The following WASF3 variants were observed in gnomAD, a reference collection of about 807,000 sequenced individuals.
WASF3 encodes WASP family member 3.
Under a neutral mutation model 46.6 loss-of-function variants are expected in WASF3, and 11 were observed. That is an observed-to-expected ratio of 0.24 (90% CI 0.15 to 0.39). The LOEUF (loss-of-function observed/expected upper bound fraction) is 0.39, where lower values mean the gene tolerates loss of function less well. Ranked by LOEUF, WASF3 falls within the 10% of genes least tolerant of loss-of-function variation. The pLI, the probability that WASF3 is intolerant of heterozygous loss-of-function variation, is 1.00. For synonymous variants in WASF3, 242 were observed against 259.7 expected (o/e 0.93, Z 0.65); for missense variants, 576 against 669.8 (o/e 0.86, Z 1.55).
Position 26,682,140 on chromosome 13 carries a change from C to T in WASF3, c.984-467C>T, listed in dbSNP as rs1373977530. On this transcript the variant is annotated intron_variant, in intron 8 of 9. Coordinates refer to ENST00000335327, the MANE Select transcript of WASF3 (RefSeq NM_006646.6). The surrounding 1 kb of genome is among the most constrained non-coding windows in gnomAD (Gnocchi z 4.4). The stretch of plus-strand genomic sequence containing the variant: ...TTCAGCAGATTTCTTGGCTGTGTGA[C>T]TTTTCGAAGCTTTTGATACACACCT... Among the ~76,000 whole-genome samples, 1 of 152,198 alleles carries T rather than the reference C, an allele frequency of 6.6e-6. No homozygotes were observed. The highest frequency in any genetic ancestry group is 6.5e-5 in the Admixed American group (1 of 15,286).
chr13:26,653,630 G>A (rs1251172418), intron 3 of WASF3, among the ~76,000 whole-genome samples: 1 of 152,142 alleles, frequency 6.6e-6, no homozygotes, highest in East Asian at 1.9e-4. Context: ...TCACTCTGGT[G>A]TTTTTCCTAC....
chr13:26,624,612 C>T (rs1881409356), intron 2 of WASF3, among the ~76,000 whole-genome samples: 1 of 151,650 alleles, frequency 6.6e-6, no homozygotes, highest in Admixed American at 6.6e-5. Context: ...CAAACAGATC[C>T]AAGAATCTCA....
At chr13:26,599,714 A>G (rs528833335) in intron 1 of WASF3, among the ~76,000 whole-genome samples, 1 of 152,302 alleles carries the variant, frequency 6.6e-6, no homozygotes, top group South Asian at 2.1e-4. Context: ...AGATGAAAAC[A>G]GCTGTGGATT....
At chr13:26,678,110 A>G (rs1883119052) in intron 7 of WASF3, among the ~76,000 whole-genome samples, 2 of 134,652 alleles carry the variant, frequency 1.5e-5, no homozygotes, top group African/African-American at 2.4e-5. Flanking sequence ...TTTTCAAAAA[A>G]TAAGTCTGAT....
At chr13:26,674,506 CT>C (rs1883007311) in intron 6 of WASF3, among the ~76,000 whole-genome samples, 1 of 152,152 alleles carries the variant, frequency 6.6e-6, no homozygotes, top group Non-Finnish European at 1.5e-5. Context: ...CGGTTAACAG[CT>C]TGGTGTGCAT....
intron 3 of WASF3, among the ~76,000 whole-genome samples, chr13:26,664,558 TAGA>T (rs1366563928): frequency 2.2e-4 from 34 of 152,334 alleles, no homozygotes; most frequent in Middle Eastern, 3.4e-3. Flanking sequence ...CAATATTAAT[TAGA>T]AGAATTTAAT....
intron 1 of WASF3, among the ~76,000 whole-genome samples, chr13:26,605,139 A>G (rs1321950166): frequency 6.6e-6 from 1 of 152,038 alleles, no homozygotes; most frequent in African/African-American, 2.4e-5. Context: ...TCTGCCTTTG[A>G]GTATTGCTAA....
intron 2 of WASF3, among the ~76,000 whole-genome samples, chr13:26,620,022 AG>A (rs1881258812): frequency 6.6e-6 from 1 of 152,202 alleles, no homozygotes; most frequent in African/African-American, 2.4e-5. Context: ...TGTGGTGGGC[AG>A]AGCACCAGTG....
At chr13:26,566,917 T>C (rs1461065848) in intron 1 of WASF3, among the ~76,000 whole-genome samples, 1 of 152,222 alleles carries the variant, frequency 6.6e-6, no homozygotes, top group Non-Finnish European at 1.5e-5. Flanking sequence ...CATCCTCAGC[T>C]CTATGCTGTC....
At chr13:26,546,375 G>T in the WASF3 span, among the ~76,000 whole-genome samples, 2 of 152,122 alleles carry the variant, frequency 1.3e-5, no homozygotes, top group Non-Finnish European at 2.9e-5. Flanking sequence ...TATTGCTTTT[G>T]CAATAATGAG....
At position 26,559,820 on chromosome 13, in the gene WASF3, T is replaced by TCTTTCTTTCTTTCTTTCTTTCTTTCTTTC. The variant is rs748976709; in HGVS notation, c.-109+2001_-109+2002insCTTTCTTTCTTTCTTTCTTTCTTTCTTTC. Among the ~76,000 whole-genome samples the TCTTTCTTTCTTTCTTTCTTTCTTTCTTTC allele has an allele frequency of 4.7e-4, 32 of 67,594 alleles. 2 individuals are homozygous for TCTTTCTTTCTTTCTTTCTTTCTTTCTTTC. Among genetic ancestry groups the TCTTTCTTTCTTTCTTTCTTTCTTTCTTTC allele is most frequent in the Admixed American group, 1.2e-3 (9 of 7,400 alleles). 44.3% of individuals were successfully genotyped at this position (67,594 alleles called of 152,430 possible). A position where few individuals can be genotyped will look rare whatever the true frequency, so the allele number is the denominator to read the frequency against. On this transcript the variant is annotated intron_variant, in intron 1 of 9. Coordinates refer to ENST00000335327, the MANE Select transcript of WASF3 (RefSeq NM_006646.6). Reference sequence around the variant, plus strand: ...TCTTTCTTTCTTTCTTTTTTTTTTTTTTTTTTTTTTTTTTGAGACGGAGTC... The same window carrying TCTTTCTTTCTTTCTTTCTTTCTTTCTTTC: ...TCTTTCTTTCTTTCTTTTTTTTTTTTCTTTCTTTCTTTCTTTCTTTCTTTCTTTCTTTTTTTTTTTTTTGAGACGGAGTC...
chr13:26,573,935 T>G (rs186255533), intron 1 of WASF3, among the ~76,000 whole-genome samples: 1 of 152,348 alleles, frequency 6.6e-6, no homozygotes, highest in Admixed American at 6.5e-5. Context: ...TGTTTTTAAA[T>G]CTTTCATTCA....
intron 1 of WASF3, among the ~76,000 whole-genome samples, chr13:26,589,636 A>G (rs1314436546): frequency 6.6e-6 from 1 of 152,180 alleles, no homozygotes; most frequent in South Asian, 2.1e-4. Flanking sequence ...GACTATATCT[A>G]GTATTTAAAG....
At chr13:26,664,959 T>G (rs1882727548) in intron 3 of WASF3, 69 bp from the exon 4 acceptor site, 2 of 1,517,332 alleles carry the variant, frequency 1.3e-6, no homozygotes, top group South Asian at 1.2e-5. Flanking sequence ...TAAGCACTGG[T>G]GAGGATGTGT....
the WASF3 span, among the ~76,000 whole-genome samples, chr13:26,546,182 A>T: frequency 6.6e-6 from 1 of 152,302 alleles, no homozygotes; most frequent in East Asian, 1.9e-4. Context: ...GGTCAGATAT[A>T]GGGCCATAGG....
intron 3 of WASF3, among the ~76,000 whole-genome samples, chr13:26,652,285 C>T (rs1447895253): frequency 6.6e-6 from 1 of 152,078 alleles, no homozygotes; most frequent in Non-Finnish European, 1.5e-5. Context: ...AACAGATAAG[C>T]CAGGACCTTT....
At chr13:26,681,944 C>T (rs2137514410) in intron 8 of WASF3, among the ~76,000 whole-genome samples, 1 of 152,274 alleles carries the variant, frequency 6.6e-6, no homozygotes, top group Non-Finnish European at 1.5e-5. Context: ...GTGTTGGTGT[C>T]CACTGCTAAC....
rs138440515 is a variant in WASF3, at chr13:26,661,671, G to A, written c.134-3357G>A. On this transcript the variant is annotated intron_variant, in intron 3 of 9. Coordinates refer to ENST00000335327, the MANE Select transcript of WASF3 (RefSeq NM_006646.6). ...CTGGGTCATATGTTTAATTTTGGGG[G>A]GAACCACCACACAGTTTTCCACAGC... Among the ~76,000 whole-genome samples, 1,372 of 152,142 alleles carry A rather than the reference G, an allele frequency of 9.0e-3. 9 individuals carry two copies. The highest frequency in any genetic ancestry group is 0.017 in the African/African-American group (717 of 41,468).
chr13:26,665,628 CT>C (rs1882747859), intron 4 of WASF3, among the ~76,000 whole-genome samples: 3 of 152,106 alleles, frequency 2.0e-5, no homozygotes, highest in Admixed American at 1.3e-4. Context: ...TTTTGTTAAC[CT>C]TCTCAGAAAT....
Sources: allele counts gnomAD v4.1 joint callset (sites outside exome capture counted in the v4.1 genomes callset), GRCh38; gene constraint gnomAD v4.1.1; non-coding constraint Gnocchi (gnomAD v3.1); transcripts MANE v1.5; gene names NCBI Gene and HGNC (gene_info 2026-07-23, HGNC 2026-07-21).